CIMIP4: variants seen among roughly 807,000 people sequenced by gnomAD.
The protein encoded by CIMIP4 is ciliary microtubule inner protein 4.
the CIMIP4 span, among the ~76,000 whole-genome samples, chr22:36,993,171 C>A: frequency 6.6e-6 from 1 of 151,736 alleles, no homozygotes; most frequent in Admixed American, 6.6e-5. Context: ...GCCACCACAC[C>A]CAGCTAATTT....
the CIMIP4 span, among the ~76,000 whole-genome samples, chr22:36,993,931 AAG>A: frequency 6.6e-6 from 1 of 152,202 alleles, no homozygotes; most frequent in Non-Finnish European, 1.5e-5. Flanking sequence ...AAAGGACACA[AAG>A]AGAGGATAAA....
the CIMIP4 span, chr22:37,001,820 G>A: frequency 1.3e-6 from 2 of 1,539,670 alleles, no homozygotes; most frequent in Admixed American, 1.9e-5. Context: ...TCACCCTCCT[G>A]GCCCCTGCTA....
the CIMIP4 span, chr22:37,002,103 G>A: frequency 3.8e-6 from 6 of 1,573,862 alleles, no homozygotes; most frequent in South Asian, 1.2e-5. Context: ...GCAGTCGGGG[G>A]TGGAGGGGGA....
the CIMIP4 span, among the ~76,000 whole-genome samples, chr22:37,001,608 A>G: frequency 6.6e-6 from 1 of 152,136 alleles, no homozygotes; most frequent in Admixed American, 6.5e-5. Flanking sequence ...CGGTCTCCTT[A>G]TCTATAAAAT....
the CIMIP4 span, among the ~76,000 whole-genome samples, chr22:36,996,391 CA>C: frequency 6.7e-6 from 1 of 150,048 alleles, no homozygotes; most frequent in Non-Finnish European, 1.5e-5. Flanking sequence ...GTATCAGCAG[CA>C]AAGTTAGAAA....
At chr22:37,001,711 C>G in the CIMIP4 span, 1 of 1,002,464 alleles carries the variant, frequency 1.0e-6, no homozygotes, top group African/African-American at 1.6e-5. Context: ...GTTTGGCACA[C>G]AGCAGATGCT....
At chr22:37,000,297 A>G in the CIMIP4 span, among the ~76,000 whole-genome samples, 1 of 152,100 alleles carries the variant, frequency 6.6e-6, no homozygotes, top group Non-Finnish European at 1.5e-5. Flanking sequence ...TCTTCCCACC[A>G]TTTTATAAAT....
chr22:36,995,789 C>A, the CIMIP4 span, among the ~76,000 whole-genome samples: 1 of 152,172 alleles, frequency 6.6e-6, no homozygotes, highest in Admixed American at 6.5e-5. Flanking sequence ...TGATGTGAGG[C>A]CTCCCCAGCT....
At chr22:37,002,053 C>T in the CIMIP4 span, 6 of 1,609,500 alleles carry the variant, frequency 3.7e-6, no homozygotes, top group Middle Eastern at 1.7e-4. Flanking sequence ...TCTTCAGGGA[C>T]CTGGACTGTG....
chr22:36,996,613 T>C, the CIMIP4 span, among the ~76,000 whole-genome samples: 16 of 152,198 alleles, frequency 1.1e-4, no homozygotes, highest in African/African-American at 3.4e-4. Flanking sequence ...AGCCCTTAAA[T>C]TGAGCTGTAG....
the CIMIP4 span, among the ~76,000 whole-genome samples, chr22:37,007,141 C>T: frequency 1.3e-4 from 20 of 152,286 alleles, no homozygotes; most frequent in African/African-American, 3.8e-4. Context: ...AACACTCCAC[C>T]GGTATTCCCA....
At chr22:36,995,439 C>A in the CIMIP4 span, among the ~76,000 whole-genome samples, 1 of 152,188 alleles carries the variant, frequency 6.6e-6, no homozygotes, top group Non-Finnish European at 1.5e-5. Context: ...GCTGGAGCCA[C>A]GGTGAGTTGG....
chr22:36,991,846 A>G, the CIMIP4 span, among the ~76,000 whole-genome samples: 60 of 151,982 alleles, frequency 3.9e-4, no homozygotes, highest in Non-Finnish European at 5.9e-4. Flanking sequence ...ATTTTTTTGC[A>G]TGGTTGGAAA....
At chr22:37,000,743 T>A in the CIMIP4 span, among the ~76,000 whole-genome samples, 2 of 152,170 alleles carry the variant, frequency 1.3e-5, no homozygotes, top group African/African-American at 4.8e-5. Context: ...CAACGGTGGC[T>A]GAAGAGAGAA....
chr22:37,004,527 A>G, the CIMIP4 span, among the ~76,000 whole-genome samples: 2 of 152,156 alleles, frequency 1.3e-5, no homozygotes, highest in African/African-American at 4.8e-5. Context: ...TGCTCAGGGA[A>G]GGGAAGCAGC....
the CIMIP4 span, among the ~76,000 whole-genome samples, chr22:37,003,075 T>C: frequency 6.6e-6 from 1 of 152,194 alleles, no homozygotes; most frequent in African/African-American, 2.4e-5. Flanking sequence ...AAACTTCAAG[T>C]CCTCTTAAAA....
the CIMIP4 span, among the ~76,000 whole-genome samples, chr22:36,993,647 T>A: frequency 6.6e-5 from 10 of 151,300 alleles, no homozygotes; most frequent in African/African-American, 2.4e-4. Context: ...GAGAATGGCG[T>A]GAACCCAGGA....
the CIMIP4 span, among the ~76,000 whole-genome samples, chr22:36,992,404 A>T: frequency 1.3e-5 from 2 of 152,214 alleles, no homozygotes; most frequent in African/African-American, 4.8e-5. Context: ...CATAAGAGAG[A>T]ATAAAAATAT....
chr22:36,997,390 C>A, the CIMIP4 span, among the ~76,000 whole-genome samples: 1 of 152,198 alleles, frequency 6.6e-6, no homozygotes, highest in African/African-American at 2.4e-5. Context: ...CAGGTCAAAA[C>A]GTTGAAGTCA....
Sources: allele counts gnomAD v4.1 joint callset (sites outside exome capture counted in the v4.1 genomes callset), GRCh38; gene constraint gnomAD v4.1.1; transcripts MANE v1.5; gene names NCBI Gene and HGNC (gene_info 2026-07-23, HGNC 2026-07-21).